MYO16: variants seen among roughly 807,000 people sequenced by gnomAD.
The protein encoded by MYO16 is unconventional myosin-XVI.
MYO16 carries 94 observed loss-of-function variants against 205.3 expected under a neutral mutation model. That is an observed-to-expected ratio of 0.46 (90% CI 0.39 to 0.54). The LOEUF (loss-of-function observed/expected upper bound fraction) is 0.54. Ranked by LOEUF, MYO16 falls within the 20% of genes least tolerant of loss-of-function variation. The probability of loss-of-function intolerance (pLI) is 0.00; values close to 1 mark genes in which losing one functional copy is unlikely to be tolerated. For missense variants in MYO16, 2,315 were observed against 2,387.5 expected (o/e 0.97, Z 0.63); for synonymous variants, 988 against 954.0 (o/e 1.04, Z -0.66).
At chr13:108,620,322 G>T (rs911368581) in intron 1 of MYO16, among the ~76,000 whole-genome samples, 1 of 152,134 alleles carries the variant, frequency 6.6e-6, no homozygotes, top group Non-Finnish European at 1.5e-5. Flanking sequence ...TTCTGGAAAT[G>T]CTAAAGGGAA....
chr13:108,627,865 A>AAGACATTC (rs774494955), upstream of MYO16, among the ~76,000 whole-genome samples: 159 of 152,314 alleles, frequency 1.0e-3, no homozygotes, highest in Non-Finnish European at 1.1e-3. Context: ...GCAGAAAATT[A>AAGACATTC]AGACATTCAG....
intron 4 of MYO16, among the ~76,000 whole-genome samples, chr13:108,728,663 G>A (rs1369794914): frequency 6.6e-6 from 1 of 152,202 alleles, no homozygotes; most frequent in Non-Finnish European, 1.5e-5. Context: ...GTGTCAGTGT[G>A]TCCAAATCTC....
intron 1 of MYO16, among the ~76,000 whole-genome samples, chr13:108,606,796 C>G (rs914693900): frequency 1.3e-5 from 2 of 152,096 alleles, no homozygotes; most frequent in African/African-American, 4.8e-5. Context: ...CACTGTGCAC[C>G]TGAAAAAGCA....
At chr13:108,702,753 A>G (rs942245490) in intron 2 of MYO16, among the ~76,000 whole-genome samples, 2 of 152,204 alleles carry the variant, frequency 1.3e-5, no homozygotes, top group Non-Finnish European at 2.9e-5. Flanking sequence ...ATAAAGATGT[A>G]ATTTGTTTAA....
intron 16 of MYO16, 58 bp from the exon 17 acceptor site, chr13:108,957,630 A>G: frequency 1.6e-6 from 2 of 1,218,338 alleles, no homozygotes; most frequent in Non-Finnish European, 2.4e-6. Flanking sequence ...GTGACTTTTA[A>G]CCACAGAAGT....
chr13:108,837,421 G>A (rs1186435446), intron 9 of MYO16, among the ~76,000 whole-genome samples: 1 of 152,134 alleles, frequency 6.6e-6, no homozygotes, highest in Non-Finnish European at 1.5e-5. Flanking sequence ...ATTTATTTGC[G>A]ATTATTGTTA....
At chr13:108,849,497 C>G (rs1036106098) in intron 10 of MYO16, among the ~76,000 whole-genome samples, 3 of 151,028 alleles carry the variant, frequency 2.0e-5, no homozygotes, top group Non-Finnish European at 4.4e-5. Flanking sequence ...ATCTAACACA[C>G]AGTCTTTTTT....
At chr13:108,998,677 G>A (rs1041825475) in intron 21 of MYO16, among the ~76,000 whole-genome samples, 3 of 152,116 alleles carry the variant, frequency 2.0e-5, no homozygotes, top group Admixed American at 2.0e-4. Context: ...ATCATATCTG[G>A]GGCCTTAGCT....
At chr13:108,524,122 C>A in the MYO16 span, among the ~76,000 whole-genome samples, 1 of 132,126 alleles carries the variant, frequency 7.6e-6, no homozygotes, top group Non-Finnish European at 1.6e-5. Flanking sequence ...CACAGTGAAA[C>A]CCCATCTCTA....
chr13:109,109,653 G>C (rs981613003), intron 28 of MYO16, among the ~76,000 whole-genome samples: 1 of 152,128 alleles, frequency 6.6e-6, no homozygotes, highest in Admixed American at 6.5e-5. Flanking sequence ...CCTGAAGGTG[G>C]AATCTCTTTT....
intron 16 of MYO16, among the ~76,000 whole-genome samples, chr13:108,910,384 A>AT (rs1881199627): frequency 1.3e-5 from 2 of 151,134 alleles, no homozygotes. Context: ...ATCAGAAAAA[A>AT]CTTGTGCAGA....
Position 109,125,056 on chromosome 13 carries a change from ATG to A in MYO16, c.3536-54_3536-53del. ...AGTATATTATGATTTTTGTTTGTGCATGTCTGAGTTTTTCACTTTTCCTCCAT... is the reference window on the plus strand; with the variant it reads ...AGTATATTATGATTTTTGTTTGTGCATCTGAGTTTTTCACTTTTCCTCCAT... On this transcript the variant is annotated intron_variant, in intron 29 of 34. Coordinates refer to ENST00000457511, the MANE Select transcript of MYO16 (RefSeq NM_001198950.3). The surrounding 1 kb of genome is among the most constrained non-coding windows in gnomAD (Gnocchi z 4.0). 2 of 1,575,410 alleles carry A rather than the reference ATG, an allele frequency of 1.3e-6. No individual in the cohort carries two copies. The highest frequency in any genetic ancestry group is 1.7e-6 in the Non-Finnish European group (2 of 1,155,238).
At chr13:108,772,947 G>T (rs9521028) in intron 4 of MYO16, among the ~76,000 whole-genome samples, 50,841 of 151,946 alleles carry the variant, frequency 0.33, 9,723 homozygotes, top group East Asian at 0.63. Flanking sequence ...TATAAACTGG[G>T]TGGCTTATAA....
intron 27 of MYO16, among the ~76,000 whole-genome samples, chr13:109,068,932 A>C (rs966883649): frequency 6.6e-6 from 1 of 152,148 alleles, no homozygotes; most frequent in African/African-American, 2.4e-5. Flanking sequence ...GAAATGGGTC[A>C]ATAGTCAACA....
chr13:108,884,249 G>A (rs1302671386), intron 13 of MYO16, among the ~76,000 whole-genome samples: 1 of 152,224 alleles, frequency 6.6e-6, no homozygotes, highest in Admixed American at 6.5e-5. Flanking sequence ...ATGTTTATAT[G>A]CATTTCATCA....
chr13:108,881,687 A>G (rs1879626491), intron 12 of MYO16, among the ~76,000 whole-genome samples: 1 of 152,230 alleles, frequency 6.6e-6, no homozygotes, highest in South Asian at 2.1e-4. Context: ...AGTGGAAGAA[A>G]GGGTATCAGT....
intron 25 of MYO16, among the ~76,000 whole-genome samples, chr13:109,053,830 C>T (rs76592428): frequency 1.3e-5 from 2 of 152,186 alleles, no homozygotes; most frequent in Non-Finnish European, 2.9e-5. Flanking sequence ...GAGCATGACA[C>T]GTTGTATTGT....
chr13:108,837,841 T>C (rs2139056400), intron 9 of MYO16, among the ~76,000 whole-genome samples: 1 of 152,364 alleles, frequency 6.6e-6, no homozygotes, highest in African/African-American at 2.4e-5. Flanking sequence ...AAAGTATTTA[T>C]TCTAAAGAAA....
At chr13:109,129,005 C>G (rs527621196) in intron 31 of MYO16, among the ~76,000 whole-genome samples, 31 of 151,358 alleles carry the variant, frequency 2.0e-4, no homozygotes, top group Non-Finnish European at 4.1e-4. Flanking sequence ...CTCCTGACCT[C>G]AAGTGATCTG....
Sources: allele counts gnomAD v4.1 joint callset (sites outside exome capture counted in the v4.1 genomes callset), GRCh38; gene constraint gnomAD v4.1.1; non-coding constraint Gnocchi (gnomAD v3.1); transcripts MANE v1.5; gene names NCBI Gene and HGNC (gene_info 2026-07-23, HGNC 2026-07-21).